Variants in RALYL observed in about 807,000 individuals in gnomAD.
RALYL encodes the protein RNA-binding Raly-like protein.
A neutral mutation model predicts 35.1 loss-of-function variants in RALYL; 29 were observed. That is an observed-to-expected ratio of 0.83 (90% CI 0.61 to 1.13). The LOEUF (loss-of-function observed/expected upper bound fraction) is 1.13. RALYL is among the 50% of genes most tolerant of loss of function. The probability of loss-of-function intolerance (pLI) is 0.00; values close to 1 mark genes in which losing one functional copy is unlikely to be tolerated. For synonymous variants in RALYL, 120 were observed against 127.6 expected (o/e 0.94, Z 0.40); for missense variants, 359 against 360.4 (o/e 1.00, Z 0.03).
chr8:84,422,375 C>A (rs2132428038), intron 1 of RALYL, among the ~76,000 whole-genome samples: 1 of 131,352 alleles, frequency 7.6e-6, no homozygotes, highest in Admixed American at 8.0e-5. Flanking sequence ...GTTTGTATTT[C>A]TGTGGGATCG....
intron 1 of RALYL, among the ~76,000 whole-genome samples, chr8:84,415,432 G>A (rs915691687): frequency 6.6e-6 from 1 of 151,928 alleles, no homozygotes; most frequent in Non-Finnish European, 1.5e-5. Context: ...TAGAGATGGG[G>A]TTTTGCCATG....
rs543060164 is a variant in RALYL at position 84,365,969 on chromosome 8, G to T, written c.-23-163330G>T. Reference sequence around the variant, plus strand: ...TTGGCATTGGCTGCCACTCATAGATGCTTCACTGTAGCTTCTGTTGTAATC... The same window carrying T: ...TTGGCATTGGCTGCCACTCATAGATTCTTCACTGTAGCTTCTGTTGTAATC... On this transcript the variant is annotated intron_variant, in intron 1 of 8. Transcript: ENST00000521268. Among the ~76,000 whole-genome samples the T allele has an allele frequency of 1.1e-3, 162 of 152,314 alleles. 5 individuals carry two copies. The South Asian group carries it at 0.033, about 31-fold the overall frequency.
chr8:84,515,795 G>A (rs964457183), intron 1 of RALYL, among the ~76,000 whole-genome samples: 6 of 151,986 alleles, frequency 3.9e-5, no homozygotes, highest in Non-Finnish European at 7.4e-5. Context: ...AGCCCAAGAG[G>A]TATGACAGAT....
At chr8:84,400,134 C>A (rs1290268899) in intron 1 of RALYL, among the ~76,000 whole-genome samples, 1 of 151,920 alleles carries the variant, frequency 6.6e-6, no homozygotes, top group Non-Finnish European at 1.5e-5. Flanking sequence ...AAAAAAAATG[C>A]TTGGGACCAG....
intron 1 of RALYL, among the ~76,000 whole-genome samples, chr8:84,241,923 G>T (rs995073567): frequency 1.3e-5 from 2 of 152,094 alleles, no homozygotes; most frequent in African/African-American, 4.8e-5. Context: ...GGGCCATGGT[G>T]GTTTGTTGCA....
intron 7 of RALYL, among the ~76,000 whole-genome samples, chr8:84,879,957 T>G (rs2135342005): frequency 6.6e-6 from 1 of 152,072 alleles, no homozygotes; most frequent in Non-Finnish European, 1.5e-5. Context: ...TCTGCAAAAA[T>G]AAAAGGCAGA....
intron 1 of RALYL, among the ~76,000 whole-genome samples, chr8:84,396,927 C>T (rs867461039): frequency 5.4e-4 from 82 of 152,012 alleles, no homozygotes; most frequent in Middle Eastern, 6.8e-3. Flanking sequence ...ATATCCCCCC[C>T]GCCCCATAAA....
chr8:84,483,537 C>A (rs2054272667), intron 1 of RALYL, among the ~76,000 whole-genome samples: 3 of 152,066 alleles, frequency 2.0e-5, no homozygotes, highest in African/African-American at 4.8e-5. Flanking sequence ...TTAATAATAA[C>A]ACAAATAATT....
chr8:84,543,188 G>A (rs2060128475), intron 2 of RALYL, among the ~76,000 whole-genome samples: 3 of 151,946 alleles, frequency 2.0e-5, no homozygotes, highest in African/African-American at 7.2e-5. Context: ...ACTTCCATCA[G>A]AAGGTACATG....
intron 2 of RALYL, among the ~76,000 whole-genome samples, chr8:84,617,841 T>C (rs1820186073): frequency 6.6e-6 from 1 of 151,792 alleles, no homozygotes; most frequent in Non-Finnish European, 1.5e-5. Context: ...TCTGCATCTA[T>C]TGAGATAATC....
At chr8:84,862,895 A>C (rs1322090071) in intron 6 of RALYL, among the ~76,000 whole-genome samples, 1 of 152,232 alleles carries the variant, frequency 6.6e-6, no homozygotes. Flanking sequence ...TGTTAAAAGC[A>C]TAATTTACCA....
At chr8:84,495,015 T>TATGATA (rs1402780743) in intron 1 of RALYL, among the ~76,000 whole-genome samples, 1 of 152,150 alleles carries the variant, frequency 6.6e-6, no homozygotes, top group African/African-American at 2.4e-5. Flanking sequence ...GCCCATTCAG[T>TATGATA]ATGATATTGG....
intron 2 of RALYL, among the ~76,000 whole-genome samples, chr8:84,714,010 T>C (rs1023266886): frequency 3.3e-5 from 5 of 151,326 alleles, no homozygotes; most frequent in African/African-American, 1.2e-4. Context: ...CTCATATAGA[T>C]ACAACACACA....
chr8:84,311,090 A>AAAATATAT (rs1554614840), intron 1 of RALYL, among the ~76,000 whole-genome samples: 6 of 99,770 alleles, frequency 6.0e-5, no homozygotes, highest in East Asian at 3.5e-4. Flanking sequence ...AAAAAAAAAA[A>AAAATATAT]ATGTATATTA....
At chr8:84,442,610 T>A (rs1272093865) in intron 1 of RALYL, among the ~76,000 whole-genome samples, 2 of 152,136 alleles carry the variant, frequency 1.3e-5, no homozygotes, top group African/African-American at 4.8e-5. Flanking sequence ...AGTCAATAAT[T>A]CCTGTGCTGC....
intron 5 of RALYL, among the ~76,000 whole-genome samples, chr8:84,857,791 A>G (rs1305185689): frequency 6.6e-6 from 1 of 152,212 alleles, no homozygotes; most frequent in Non-Finnish European, 1.5e-5. Context: ...GCTTATAAAA[A>G]CAGATTAAAG....
At chr8:84,272,118 G>T (rs1279913117) in intron 1 of RALYL, among the ~76,000 whole-genome samples, 2 of 151,894 alleles carry the variant, frequency 1.3e-5, no homozygotes, top group Non-Finnish European at 2.9e-5. Context: ...TGGAGATGGA[G>T]TTTCACTATT....
intron 1 of RALYL, among the ~76,000 whole-genome samples, chr8:84,448,172 A>C (rs972196590): frequency 2.6e-5 from 4 of 151,976 alleles, no homozygotes; most frequent in Admixed American, 2.0e-4. Context: ...TATTATCTTT[A>C]TTAGCAACCA....
At chr8:84,906,068 T>A (rs1846442426) in intron 8 of RALYL, among the ~76,000 whole-genome samples, 1 of 149,988 alleles carries the variant, frequency 6.7e-6, no homozygotes, top group South Asian at 2.1e-4. Context: ...CTACATTGTA[T>A]TTATTGAATA....
Sources: gnomAD v4.1 joint callset for allele counts (sites outside exome capture counted in the v4.1 genomes callset) on GRCh38, gnomAD v4.1.1 for gene constraint, MANE v1.5 for transcripts, NCBI Gene and HGNC (gene_info 2026-07-23, HGNC 2026-07-21) for gene names.